The following YES1 variants were observed in gnomAD, a reference collection of about 807,000 sequenced individuals.
YES1 encodes YES proto-oncogene 1, Src family tyrosine kinase, also known as tyrosine-protein kinase Yes.
A neutral mutation model predicts 70.4 loss-of-function variants in YES1; 39 were observed. The observed-to-expected ratio is 0.55, with a 90% CI of 0.43 to 0.72. The LOEUF (loss-of-function observed/expected upper bound fraction) is 0.72, where lower values mean the gene tolerates loss of function less well. Among genes scored for constraint, YES1 ranks in the 30% least tolerant of loss-of-function variants. YES1 has a pLI of 0.00. For synonymous variants in YES1, 198 were observed against 218.6 expected, an observed-to-expected ratio of 0.91 and a Z score of 0.83; for missense variants, 495 against 644.8, an observed-to-expected ratio of 0.77 and a Z score of 2.52.
chr18:751,879 CCA>C, intron 2 of YES1, 75 bp from the exon 3 acceptor site: 1 of 841,170 alleles, frequency 1.2e-6, no homozygotes, highest in Non-Finnish European at 1.9e-6. Flanking sequence ...CTATTGCCAG[CCA>C]AAAAAAAAAA....
chr18:724,165 T>C lies in YES1; in HGVS notation c.*259A>G, dbSNP rs1305774358. 1.0e-5 allele frequency: 4 copies of C among 382,130 alleles called. No individual in the cohort carries two copies. The highest frequency in any genetic ancestry group is 1.9e-5 in the Non-Finnish European group (4 of 211,312). The allele number at this position is 382,130 out of a possible 1,614,324, so 23.7% of individuals were successfully genotyped here. On this transcript the variant is annotated 3_prime_UTR_variant, in exon 12 of 12. Coordinates refer to ENST00000314574, the MANE Select transcript of YES1 (RefSeq NM_005433.4). ...GGAGCCTCACTGTCCTTCATTACCA[T>C]GCTGTCACCCACACTGTCATCAGTA... is the stretch of plus-strand genomic sequence containing the variant.
chr18:751,913 G>A (rs946569656), intron 2 of YES1, 109 bp from the exon 3 acceptor site: 12 of 714,446 alleles, frequency 1.7e-5, no homozygotes, highest in Admixed American at 5.0e-5. Context: ...AGTTTTTTCT[G>A]TAGTCTCCAG....
At chr18:785,425 AAG>A (rs1330274136) in intron 1 of YES1, among the ~76,000 whole-genome samples, 1 of 152,294 alleles carries the variant, frequency 6.6e-6, no homozygotes, top group South Asian at 2.1e-4. Context: ...AGGGGGGAGA[AAG>A]AGAAACAAGT....
At chr18:799,936 G>A (rs1318751859) in intron 1 of YES1, among the ~76,000 whole-genome samples, 1 of 151,896 alleles carries the variant, frequency 6.6e-6, no homozygotes, top group Non-Finnish European at 1.5e-5. Context: ...TATGATTGCT[G>A]GACATATATT....
At chr18:796,706 C>A (rs1906563319) in intron 1 of YES1, among the ~76,000 whole-genome samples, 1 of 152,030 alleles carries the variant, frequency 6.6e-6, no homozygotes, top group Admixed American at 6.6e-5. Flanking sequence ...TACAGTGAGC[C>A]AAGATGGCAC....
chr18:729,255 A>G (rs1472308157), intron 11 of YES1, among the ~76,000 whole-genome samples: 1 of 151,952 alleles, frequency 6.6e-6, no homozygotes, highest in South Asian at 2.1e-4. Context: ...CAGTTCTAAA[A>G]TTTCCATTTG....
chr18:748,168 A>C, intron 3 of YES1, 150 bp from the exon 4 acceptor site: 1 of 627,396 alleles, frequency 1.6e-6, no homozygotes, highest in South Asian at 2.4e-5. Context: ...AACTCAAAGA[A>C]TGATATTAAA....
At chr18:740,234 G>GCT (rs2080202013) in intron 8 of YES1, among the ~76,000 whole-genome samples, 1 of 152,238 alleles carries the variant, frequency 6.6e-6, no homozygotes, top group South Asian at 2.1e-4. Context: ...CTGTGACCAA[G>GCT]CTCTCTCTCT....
chr18:730,969 A>C (rs915125125), intron 11 of YES1, among the ~76,000 whole-genome samples: 4 of 87,964 alleles, frequency 4.5e-5, no homozygotes, highest in African/African-American at 2.0e-4. Flanking sequence ...TCAGCAAAGG[A>C]GTGATTATAC....
chr18:802,601 T>C (rs1598948062), intron 1 of YES1, among the ~76,000 whole-genome samples: 1 of 151,604 alleles, frequency 6.6e-6, no homozygotes, highest in East Asian at 1.9e-4. Context: ...TCAAATGTAC[T>C]ATTTAATGAA....
intron 3 of YES1, among the ~76,000 whole-genome samples, chr18:750,141 T>C (rs1186999364): frequency 1.3e-5 from 2 of 152,256 alleles, no homozygotes; most frequent in Admixed American, 6.5e-5. Context: ...CTCTAGAAAA[T>C]GAATGAAAAA....
intron 3 of YES1, among the ~76,000 whole-genome samples, chr18:748,435 T>C (rs2080305655): frequency 6.6e-6 from 1 of 151,640 alleles, no homozygotes; most frequent in South Asian, 2.1e-4. Flanking sequence ...TACAATTCAC[T>C]AGTTTTTAAT....
intron 8 of YES1, among the ~76,000 whole-genome samples, chr18:741,117 C>T (rs528952404): frequency 5.0e-4 from 76 of 152,202 alleles, no homozygotes; most frequent in Middle Eastern, 3.4e-3. Context: ...AGGCTGGGAT[C>T]GAACTCCTGA....
Position 751,295 on chromosome 18 carries a change from T to C in YES1, c.371+410A>G, listed in dbSNP as rs540011698. On this transcript the variant is annotated intron_variant, in intron 3 of 11. Transcript: ENST00000314574. ...AAAAACACAACTTAATTTCATCAATTGGAAAGTAGATGGGTTCCTTACCCA... is the reference window on the plus strand; with the variant it reads ...AAAAACACAACTTAATTTCATCAATCGGAAAGTAGATGGGTTCCTTACCCA... Among the ~76,000 whole-genome samples the C allele has an allele frequency of 2.0e-4, 31 of 152,270 alleles. No individual in the cohort carries two copies. The South Asian group carries it at 6.4e-3, about 32-fold the overall frequency.
chr18:738,506 C>CG (rs2080178932), intron 9 of YES1: 1 of 151,632 alleles, frequency 6.6e-6, no homozygotes. Flanking sequence ...CTGGCGAACA[C>CG]GGTGAAACCC....
intron 3 of YES1, among the ~76,000 whole-genome samples, chr18:751,264 A>G (rs1294938366): frequency 6.6e-6 from 1 of 152,178 alleles, no homozygotes; most frequent in Non-Finnish European, 1.5e-5. Context: ...AGTCTGTCAC[A>G]AAAGGAAAAA....
At chr18:811,010 A>T (rs1002304747) in intron 1 of YES1, among the ~76,000 whole-genome samples, 1 of 152,236 alleles carries the variant, frequency 6.6e-6, no homozygotes, top group Non-Finnish European at 1.5e-5. Context: ...TCACGTGTAT[A>T]CATTTAGTAA....
rs1568177934 is a variant in YES1 at position 722,285 on chromosome 18, A to G, written c.*2139T>C. The G allele has an allele frequency of 6.5e-6, 1 of 152,684 alleles. No homozygotes were observed. 9.5% of individuals were successfully genotyped at this position (152,684 alleles called of 1,614,324 possible). A position where few individuals can be genotyped will look rare whatever the true frequency, so the allele number is the denominator to read the frequency against. Reference sequence around the variant, plus strand: ...AAGACCCTCTTGGTAGAGAGTGTCAATACTAAGCAGGTTACGTAAACAGAA... The same window carrying G: ...AAGACCCTCTTGGTAGAGAGTGTCAGTACTAAGCAGGTTACGTAAACAGAA... On this transcript the variant is annotated 3_prime_UTR_variant, in exon 12 of 12. Transcript: ENST00000314574.
intron 10 of YES1, among the ~76,000 whole-genome samples, chr18:735,520 C>G (rs905560478): frequency 2.6e-5 from 4 of 152,058 alleles, no homozygotes; most frequent in East Asian, 1.9e-4. Context: ...GGATAAAAGA[C>G]TACATGTTGG....
Sources: gnomAD v4.1 joint callset for allele counts (sites outside exome capture counted in the v4.1 genomes callset) on GRCh38, gnomAD v4.1.1 for gene constraint, MANE v1.5 for transcripts, NCBI Gene and HGNC (gene_info 2026-07-23, HGNC 2026-07-21) for gene names.